DGKB: variants seen among roughly 807,000 people sequenced by gnomAD.
DGKB encodes the protein 90 kDa diacylglycerol kinase.
In DGKB, 67 loss-of-function variants were observed where a neutral mutation model predicts 114.3. The observed-to-expected ratio is 0.59, with a 90% CI of 0.48 to 0.72. The LOEUF is 0.72. Ranked by LOEUF, DGKB falls within the 30% of genes least tolerant of loss-of-function variation. The probability of loss-of-function intolerance (pLI) is 0.00; values close to 1 mark genes in which losing one functional copy is unlikely to be tolerated. For synonymous variants in DGKB, 398 were observed against 323.1 expected (o/e 1.23, Z -2.49); for missense variants, 907 against 975.2 (o/e 0.93, Z 0.93).
At chr7:14,619,464 T>G (rs1208915025) in intron 15 of DGKB, among the ~76,000 whole-genome samples, 1 of 151,610 alleles carries the variant, frequency 6.6e-6, no homozygotes, top group Non-Finnish European at 1.5e-5. Context: ...TTAATTTTGG[T>G]TTTGATGTCC....
At chr7:14,882,430 A>G (rs1854377605) in intron 1 of DGKB, among the ~76,000 whole-genome samples, 1 of 151,974 alleles carries the variant, frequency 6.6e-6, no homozygotes, top group Non-Finnish European at 1.5e-5. Context: ...TAATGTTTGA[A>G]CTTCTACTTT....
chr7:14,340,159 CTTT>C (rs35208788), intron 22 of DGKB, among the ~76,000 whole-genome samples: 1,673 of 89,164 alleles, frequency 0.019, 35 homozygotes, highest in African/African-American at 0.065. Flanking sequence ...CTGGATGATG[CTTT>C]TTTTTTTTTT....
chr7:14,926,559 G>A (rs1784764190), intron 1 of DGKB, among the ~76,000 whole-genome samples: 1 of 150,588 alleles, frequency 6.6e-6, no homozygotes, highest in African/African-American at 2.4e-5. Flanking sequence ...CTATCGTCAT[G>A]GAACCAGAAG....
intron 23 of DGKB, among the ~76,000 whole-genome samples, chr7:14,296,443 T>C (rs989639625): frequency 2.0e-5 from 3 of 152,200 alleles, no homozygotes; most frequent in Non-Finnish European, 2.9e-5. Flanking sequence ...TTTGCTATTG[T>C]GAATAGTGCT....
chr7:14,318,079 C>A (rs1362182743), intron 23 of DGKB, among the ~76,000 whole-genome samples: 1 of 66,682 alleles, frequency 1.5e-5, no homozygotes, highest in Non-Finnish European at 3.2e-5. Flanking sequence ...AACTGGCTAG[C>A]CATATGTAGA....
chr7:14,801,524 G>C (rs1695834663), intron 2 of DGKB, among the ~76,000 whole-genome samples: 1 of 152,056 alleles, frequency 6.6e-6, no homozygotes, highest in African/African-American at 2.4e-5. Context: ...ATGTGAGTGG[G>C]CATCATCCAG....
chr7:14,520,314 T>C (rs1286308225), intron 20 of DGKB, among the ~76,000 whole-genome samples: 1 of 150,922 alleles, frequency 6.6e-6, no homozygotes, highest in East Asian at 1.9e-4. Flanking sequence ...CTACTATTTT[T>C]CAACTTTATA....
intron 21 of DGKB, among the ~76,000 whole-genome samples, chr7:14,375,969 A>C (rs1026759715): frequency 2.0e-5 from 3 of 152,246 alleles, no homozygotes; most frequent in Non-Finnish European, 4.4e-5. Context: ...TGTTGGTTCA[A>C]ACTTGTTTCA....
At chr7:14,301,526 T>C (rs780653750) in intron 23 of DGKB, among the ~76,000 whole-genome samples, 15 of 152,148 alleles carry the variant, frequency 9.9e-5, no homozygotes, top group Non-Finnish European at 1.9e-4. Context: ...TTAATCCTCA[T>C]AAGAGCAGTC....
At chr7:14,725,191 C>T (rs1185879140) in intron 5 of DGKB, among the ~76,000 whole-genome samples, 3 of 151,808 alleles carry the variant, frequency 2.0e-5, no homozygotes, top group African/African-American at 7.3e-5. Context: ...AAACAGAAAA[C>T]AAAAAACAAA....
intron 2 of DGKB, among the ~76,000 whole-genome samples, chr7:14,798,951 G>A (rs1120331): frequency 0.072 from 11,020 of 152,236 alleles, 617 homozygotes; most frequent in African/African-American, 0.15. Flanking sequence ...GCAATACTGC[G>A]TCCCTGAGGG....
intron 1 of DGKB, among the ~76,000 whole-genome samples, chr7:14,871,873 C>T (rs1021295675): frequency 6.6e-6 from 1 of 151,846 alleles, no homozygotes; most frequent in Non-Finnish European, 1.5e-5. Flanking sequence ...TCAATTTTAC[C>T]CATTTAGTTT....
intron 2 of DGKB, among the ~76,000 whole-genome samples, chr7:14,818,802 C>T (rs1172465607): frequency 1.3e-5 from 2 of 152,038 alleles, no homozygotes; most frequent in Admixed American, 6.6e-5. Context: ...ATTTGGACTG[C>T]TGTATGCTCA....
intron 2 of DGKB, among the ~76,000 whole-genome samples, chr7:14,778,849 CTTAAA>C (rs1838635554): frequency 1.3e-5 from 2 of 152,060 alleles, no homozygotes; most frequent in Admixed American, 6.6e-5. Context: ...ATGCCAATTG[CTTAAA>C]TTAATCAAAA....
At chr7:14,771,650 C>T (rs1837426387) in intron 2 of DGKB, among the ~76,000 whole-genome samples, 1 of 151,982 alleles carries the variant, frequency 6.6e-6, no homozygotes, top group South Asian at 2.1e-4. Context: ...TTGTGACTTA[C>T]TTTCCAGTCT....
At chr7:14,635,267 T>A (rs1480415020) in intron 13 of DGKB, among the ~76,000 whole-genome samples, 1 of 135,336 alleles carries the variant, frequency 7.4e-6, no homozygotes, top group East Asian at 1.9e-4. Flanking sequence ...TTATGTCTAT[T>A]TGTAGAGTTT....
chr7:14,204,094 G>A (rs960112568), intron 23 of DGKB, among the ~76,000 whole-genome samples: 9 of 151,918 alleles, frequency 5.9e-5, no homozygotes, highest in Admixed American at 2.0e-4. Context: ...CACATTCTTA[G>A]ACAGGGAGAA....
At chr7:14,723,311 T>C (rs939270689) in intron 5 of DGKB, among the ~76,000 whole-genome samples, 2 of 152,124 alleles carry the variant, frequency 1.3e-5, no homozygotes, top group African/African-American at 4.8e-5. Flanking sequence ...TATTTTTAAT[T>C]AACAAAGGCC....
chr7:14,667,223 T>A lies in DGKB; in HGVS notation c.1134+5706A>T, dbSNP rs530329354. On this transcript the variant is annotated intron_variant, in intron 13 of 25. Coordinates refer to ENST00000402815, the MANE Select transcript of DGKB (RefSeq NM_001350709.2). Reference sequence around the variant, plus strand: ...GGAAGGCTGAGAAGGGTGGTACAAATTTTTTTTAATGACCCTGGAGAAGGT... The same window carrying A: ...GGAAGGCTGAGAAGGGTGGTACAAAATTTTTTTAATGACCCTGGAGAAGGT... 4.6e-5 allele frequency among the ~76,000 whole-genome samples: 7 copies of A among 151,756 alleles called. No individual in the cohort carries two copies. In the East Asian group the frequency reaches 1.4e-3, roughly 30 times the overall value.
Sources: gnomAD v4.1 joint callset for allele counts (sites outside exome capture counted in the v4.1 genomes callset) on GRCh38, gnomAD v4.1.1 for gene constraint, MANE v1.5 for transcripts, NCBI Gene and HGNC (gene_info 2026-07-23, HGNC 2026-07-21) for gene names.